Variants in PCDH15 observed in about 807,000 individuals in gnomAD.
PCDH15 encodes protocadherin related 15, also known as protocadherin-15.
A neutral mutation model predicts 178.5 loss-of-function variants in PCDH15; 129 were observed. The observed-to-expected ratio is 0.72, with a 90% CI of 0.63 to 0.84. The LOEUF is 0.84. Ranked by LOEUF, PCDH15 falls within the 40% of genes least tolerant of loss-of-function variation. The pLI is 0.00. For missense variants in PCDH15, 2,230 were observed against 2,099.9 expected (o/e 1.06, Z -1.21); for synonymous variants, 800 against 732.0 (o/e 1.09, Z -1.50).
chr10:54,075,160 G>A (rs1210040490), intron 17 of PCDH15, among the ~76,000 whole-genome samples: 1 of 151,954 alleles, frequency 6.6e-6, no homozygotes, highest in African/African-American at 2.4e-5. Flanking sequence ...GGCAGATCAC[G>A]AGGTCAGGAG....
intron 2 of PCDH15, among the ~76,000 whole-genome samples, chr10:55,498,558 T>C (rs1840585884): frequency 6.6e-6 from 1 of 151,852 alleles, no homozygotes. Context: ...TGATTACACA[T>C]AACCTCATTG....
intron 3 of PCDH15, among the ~76,000 whole-genome samples, chr10:54,825,038 A>G (rs1467701779): frequency 6.6e-6 from 1 of 151,616 alleles, no homozygotes; most frequent in Non-Finnish European, 1.5e-5. Flanking sequence ...CCCACCCCAC[A>G]ACAGTCTCCT....
chr10:54,166,421 GTAGAT>G lies in PCDH15; in HGVS notation c.1591-13133_1591-13129del, dbSNP rs563383306. Among the ~76,000 whole-genome samples the G allele has an allele frequency of 6.0e-3, 914 of 152,254 alleles. 7 individuals carry two copies. The highest frequency in any genetic ancestry group is 0.02 in the African/African-American group (838 of 41,560). On this transcript the variant is annotated intron_variant, in intron 13 of 37. Transcript: ENST00000644397. ...TAGTACGAATCACCTAAAAATCTGT[GTAGAT>G]TAAATTATAATCTAGCCAAGAAAGT...
chr10:54,388,628 TG>T (rs1950192039), intron 3 of PCDH15, among the ~76,000 whole-genome samples: 1 of 152,216 alleles, frequency 6.6e-6, no homozygotes, highest in Admixed American at 6.5e-5. Context: ...TGCTTCTGAA[TG>T]GTAGGCATTG....
chr10:54,180,140 G>A (rs971730347), intron 13 of PCDH15, among the ~76,000 whole-genome samples: 6 of 152,104 alleles, frequency 3.9e-5, no homozygotes, highest in Non-Finnish European at 5.9e-5. Context: ...CTTCAGCTCC[G>A]GTTACGGAAG....
intron 3 of PCDH15, among the ~76,000 whole-genome samples, chr10:54,895,059 T>G (rs1196741947): frequency 6.6e-6 from 1 of 152,210 alleles, no homozygotes; most frequent in African/African-American, 2.4e-5. Flanking sequence ...TGATGTTCAT[T>G]CTTTTATCTT....
intron 8 of PCDH15, among the ~76,000 whole-genome samples, chr10:54,312,495 A>G (rs143910282): frequency 2.6e-5 from 4 of 152,248 alleles, no homozygotes; most frequent in African/African-American, 9.6e-5. Context: ...TTTGACTACA[A>G]CAGAACTGAC....
chr10:54,886,009 T>C (rs1207062831), intron 3 of PCDH15, among the ~76,000 whole-genome samples: 1 of 152,172 alleles, frequency 6.6e-6, no homozygotes, highest in Non-Finnish European at 1.5e-5. Context: ...ACAATCTCTC[T>C]CACTGTTTTT....
chr10:53,843,347 C>T (rs961870607), intron 28 of PCDH15, among the ~76,000 whole-genome samples: 1 of 151,892 alleles, frequency 6.6e-6, no homozygotes, highest in Non-Finnish European at 1.5e-5. Flanking sequence ...TATCTATATA[C>T]TAAGTATTTT....
chr10:54,986,254 T>C (rs1239494666), intron 2 of PCDH15, among the ~76,000 whole-genome samples: 1 of 151,498 alleles, frequency 6.6e-6, no homozygotes, highest in East Asian at 1.9e-4. Context: ...TTCTGTCAAG[T>C]CAAATAAGTA....
intron 1 of PCDH15, among the ~76,000 whole-genome samples, chr10:54,668,349 T>C (rs1565897686): frequency 6.6e-6 from 1 of 152,206 alleles, no homozygotes; most frequent in Admixed American, 6.6e-5. Context: ...CTGTATATTG[T>C]CACTTTACAA....
chr10:54,687,560 C>T (rs559738180), intron 1 of PCDH15, among the ~76,000 whole-genome samples: 1 of 152,112 alleles, frequency 6.6e-6, no homozygotes, highest in South Asian at 2.1e-4. Flanking sequence ...TCTTTCTGTC[C>T]TTGTTGAATC....
At chr10:55,450,548 A>T (rs1204376536) in intron 2 of PCDH15, among the ~76,000 whole-genome samples, 1 of 152,178 alleles carries the variant, frequency 6.6e-6, no homozygotes, top group Non-Finnish European at 1.5e-5. Context: ...TTGGTACTAA[A>T]GGCAAATTAT....
Position 55,454,500 on chromosome 10 carries a change from G to A in PCDH15, c.-156+173125C>T, listed in dbSNP as rs747293451. Among the ~76,000 whole-genome samples, 6 of 151,936 alleles carry A rather than the reference G, an allele frequency of 3.9e-5. No individual in the cohort carries two copies. In the South Asian group the frequency reaches 1.2e-3, roughly 32 times the overall value. The stretch of plus-strand genomic sequence containing the variant: ...TCTTAGAAGTTTAGCTAGATAGGCC[G>A]GGTGCTGTGGCTCACGCCTGTAATT... On this transcript the variant is annotated intron_variant, in intron 2 of 5. Coordinates refer to the PCDH15 transcript ENST00000613346.
At chr10:54,555,296 T>C (rs75312123) in intron 2 of PCDH15, among the ~76,000 whole-genome samples, 7,763 of 152,228 alleles carry the variant, frequency 0.051, 678 homozygotes, top group African/African-American at 0.18. Context: ...TATCACTCTA[T>C]AGCTTTTGCC....
intron 2 of PCDH15, among the ~76,000 whole-genome samples, chr10:55,165,954 C>T (rs990592759): frequency 6.6e-6 from 1 of 152,076 alleles, no homozygotes; most frequent in Non-Finnish European, 1.5e-5. Flanking sequence ...TATAATACCA[C>T]TAAAATACAA....
chr10:55,547,456 A>C (rs1841909316), intron 2 of PCDH15, among the ~76,000 whole-genome samples: 1 of 152,288 alleles, frequency 6.6e-6, no homozygotes, highest in African/African-American at 2.4e-5. Flanking sequence ...ATCCAGATTA[A>C]CAAAGGAGAG....
rs1592045434 is a variant in PCDH15 at position 55,280,535 on chromosome 10, C to A, written c.-156+39064G>T. 4.0e-5 allele frequency among the ~76,000 whole-genome samples: 6 copies of A among 150,322 alleles called. 1 individual carries two copies. The highest frequency in any genetic ancestry group is 4.0e-4 in the Admixed American group (6 of 15,066). On this transcript the variant is annotated intron_variant, in intron 1 of 5. Coordinates refer to the PCDH15 transcript ENST00000458638. ...AACTCCTGACCTCAGGTGATCCACC[C>A]CCCTCGGCCTCCCAAAGTGCTGGGA...
intron 28 of PCDH15, among the ~76,000 whole-genome samples, chr10:53,842,786 C>T (rs1198473929): frequency 6.6e-6 from 1 of 152,126 alleles, no homozygotes; most frequent in Non-Finnish European, 1.5e-5. Flanking sequence ...TATAATCAAT[C>T]AGTTCACAAA....
Sources: gnomAD v4.1 joint callset for allele counts (sites outside exome capture counted in the v4.1 genomes callset) on GRCh38, gnomAD v4.1.1 for gene constraint, MANE v1.5 for transcripts, NCBI Gene and HGNC (gene_info 2026-07-23, HGNC 2026-07-21) for gene names.